ZCCHC17: variants seen among roughly 807,000 people sequenced by gnomAD.
ZCCHC17 encodes zinc finger CCHC-type containing 17.
Under a neutral mutation model 30.6 loss-of-function variants are expected in ZCCHC17, and 18 were observed. That is an observed-to-expected ratio of 0.59 (90% CI 0.41 to 0.87). The LOEUF (loss-of-function observed/expected upper bound fraction) is 0.87. Ranked by LOEUF, ZCCHC17 falls within the 40% of genes least tolerant of loss-of-function variation. The pLI is 0.00. For missense variants in ZCCHC17, 263 were observed against 284.2 expected, an observed-to-expected ratio of 0.93 and a Z score of 0.54; for synonymous variants, 88 against 92.4, an observed-to-expected ratio of 0.95 and a Z score of 0.27.
intron 3 of ZCCHC17, among the ~76,000 whole-genome samples, chr1:31,335,492 C>T (rs1279465601): frequency 5.9e-5 from 9 of 152,146 alleles, no homozygotes; most frequent in African/African-American, 2.2e-4. Flanking sequence ...CCTCCCACCT[C>T]AGCCTCCTGA....
At chr1:31,331,917 A>AT (rs938118520) in intron 3 of ZCCHC17, among the ~76,000 whole-genome samples, 6 of 152,052 alleles carry the variant, frequency 3.9e-5, no homozygotes, top group East Asian at 1.9e-4. Context: ...GCCGAGATGG[A>AT]TTTTTTTATG....
At chr1:31,306,952 C>T (rs1646475885) in intron 1 of ZCCHC17, among the ~76,000 whole-genome samples, 1 of 152,120 alleles carries the variant, frequency 6.6e-6, no homozygotes, top group African/African-American at 2.4e-5. Flanking sequence ...ATTCTCCTGC[C>T]TCAGCCTCCC....
chr1:31,326,628 T>A (rs1222994657), intron 3 of ZCCHC17, among the ~76,000 whole-genome samples: 3 of 152,182 alleles, frequency 2.0e-5, no homozygotes, highest in Non-Finnish European at 2.9e-5. Flanking sequence ...CCTGTGACCT[T>A]CCAGCAGTCA....
chr1:31,348,936 C>G lies in ZCCHC17; in HGVS notation c.526C>G (p.Pro176Ala). Residue 176 changes from proline to alanine, a missense_variant, in exon 7 of 8, where the codon CCT (proline) becomes GCT (alanine). Pro to Ala is a conservative substitution (Grantham distance 27). Coordinates refer to ENST00000344147, the MANE Select transcript of ZCCHC17 (RefSeq NM_016505.4). ...EEAKSAEFEKPDPTRNPSRKR... is the reference protein window; with the variant it reads ...EEAKSAEFEKADPTRNPSRKR... ...GGCAAAGTCAGCAGAGTTTGAGAAG[C>G]CTGACCCTACAAGGAATCCTTCTAG... The G allele has an allele frequency of 6.2e-7, 1 of 1,605,138 alleles. No individual in the cohort carries two copies. The highest frequency in any genetic ancestry group is 8.5e-7 in the Non-Finnish European group (1 of 1,177,442).
rs756845373 is a variant in ZCCHC17 at position 31,364,120 on chromosome 1, A to G, written c.653A>G (p.His218Arg). The G allele has an allele frequency of 1.2e-6, 2 of 1,613,962 alleles. No homozygotes were observed. Among genetic ancestry groups the G allele is most frequent in the East Asian group, 4.5e-5 (2 of 44,884 alleles). The change falls in exon 8 of 8, where the codon CAC (histidine) becomes CGC (arginine). Residue 218 changes from histidine to arginine, a missense_variant. His to Arg is a conservative substitution (Grantham distance 29). Transcript: ENST00000344147. ...AGTGATACAGGCAAGAGGGCAAGGC[A>G]CACATCAAAAGACAGCAAGGCAGCA... ...SESDTGKRARHTSKDSKAAKK... is the reference protein window; with the variant it reads ...SESDTGKRARRTSKDSKAAKK...
At chr1:31,299,863 A>T (rs1192807909) in intron 1 of ZCCHC17, among the ~76,000 whole-genome samples, 1 of 152,112 alleles carries the variant, frequency 6.6e-6, no homozygotes, top group African/African-American at 2.4e-5. Flanking sequence ...TATGGAATCT[A>T]AGCTGGATTG....
In ZCCHC17 at chr1:31,314,822, A is replaced by G. The variant is rs749574432; in HGVS notation, c.67-4287A>G. Reference sequence around the variant, plus strand: ...GCTGGGATTACAGGCGCATGCCACCACACCTGGCTAATTTTTGTATTTTTA... The same window carrying G: ...GCTGGGATTACAGGCGCATGCCACCGCACCTGGCTAATTTTTGTATTTTTA... On this transcript the variant is annotated intron_variant, in intron 2 of 7. Coordinates refer to ENST00000344147, the MANE Select transcript of ZCCHC17 (RefSeq NM_016505.4). Among the ~76,000 whole-genome samples, 5 of 152,178 alleles carry G rather than the reference A, an allele frequency of 3.3e-5. No homozygotes were observed. In the East Asian group the frequency reaches 7.7e-4, roughly 24 times the overall value.
chr1:31,305,785 C>A (rs1014598739), intron 1 of ZCCHC17, among the ~76,000 whole-genome samples: 1 of 152,084 alleles, frequency 6.6e-6, no homozygotes, highest in African/African-American at 2.4e-5. Context: ...AACTAAGGAG[C>A]CTCTGAGTAA....
rs148736986 is a variant in ZCCHC17 at position 31,348,874 on chromosome 1, ACT to A, written c.469_470del (p.Leu157AspfsTer3). The A allele has an allele frequency of 6.2e-7, 1 of 1,613,250 alleles. No individual in the cohort carries two copies. The highest frequency in any genetic ancestry group is 8.5e-7 in the Non-Finnish European group (1 of 1,180,008). ...TTCATGCAACCAGGTGGGACTAAAT[ACT>A]CTCTGATACCTGATGAGGAAGAGGA... On this transcript the variant is annotated frameshift_variant, in exon 7 of 8. Transcript: ENST00000344147. LOFTEE classifies it high-confidence loss of function.
chr1:31,363,054 C>A (rs35998242), intron 7 of ZCCHC17, among the ~76,000 whole-genome samples: 31,512 of 151,872 alleles, frequency 0.21, 3,599 homozygotes, highest in African/African-American at 0.29. Flanking sequence ...TATAAATACA[C>A]ATGTATATGT....
intron 2 of ZCCHC17, among the ~76,000 whole-genome samples, chr1:31,318,883 G>A (rs1216032876): frequency 6.6e-6 from 1 of 152,100 alleles, no homozygotes; most frequent in East Asian, 1.9e-4. Context: ...CACACCGTGT[G>A]ATAACACTCT....
intron 7 of ZCCHC17, among the ~76,000 whole-genome samples, chr1:31,355,715 G>A (rs765276907): frequency 3.9e-5 from 6 of 152,140 alleles, no homozygotes; most frequent in Non-Finnish European, 7.3e-5. Context: ...TGACATATCA[G>A]GACTCATCAA....
intron 3 of ZCCHC17, among the ~76,000 whole-genome samples, chr1:31,325,345 G>A (rs891633334): frequency 1.3e-5 from 2 of 152,224 alleles, no homozygotes; most frequent in Admixed American, 6.5e-5. Context: ...GTTGAATGGC[G>A]GGACTGAAAG....
chr1:31,323,960 A>G, intron 3 of ZCCHC17, among the ~76,000 whole-genome samples: 1 of 133,714 alleles, frequency 7.5e-6, no homozygotes, highest in South Asian at 2.3e-4. Flanking sequence ...TAGACTATGC[A>G]GATGATTGAA....
intron 7 of ZCCHC17, among the ~76,000 whole-genome samples, chr1:31,351,871 A>C (rs1639481945): frequency 6.6e-6 from 1 of 152,178 alleles, no homozygotes; most frequent in Non-Finnish European, 1.5e-5. Flanking sequence ...CTATGGTTTT[A>C]AATATCATCC....
chr1:31,323,150 T>A (rs560810070), intron 3 of ZCCHC17, among the ~76,000 whole-genome samples: 2 of 152,340 alleles, frequency 1.3e-5, no homozygotes, highest in Admixed American at 1.3e-4. Context: ...TCACTCAGAA[T>A]AGTCCAAGCG....
chr1:31,334,363 G>C (rs1487610273), intron 3 of ZCCHC17, among the ~76,000 whole-genome samples: 47 of 149,834 alleles, frequency 3.1e-4, no homozygotes, highest in Admixed American at 6.7e-4. Context: ...GTGTGTGTGT[G>C]TGTGTGTGTG....
chr1:31,332,640 A>T (rs1045948791), intron 3 of ZCCHC17, among the ~76,000 whole-genome samples: 4 of 151,896 alleles, frequency 2.6e-5, no homozygotes, highest in Non-Finnish European at 5.9e-5. Flanking sequence ...CACTGTTAAC[A>T]TTTTGGTGTA....
chr1:31,312,714 G>A (rs1472916613), intron 2 of ZCCHC17, among the ~76,000 whole-genome samples: 1 of 152,112 alleles, frequency 6.6e-6, no homozygotes, highest in Non-Finnish European at 1.5e-5. Context: ...TGAAGTGAAA[G>A]TAAAGCCAAA....
Sources: allele counts gnomAD v4.1 joint callset (sites outside exome capture counted in the v4.1 genomes callset), GRCh38; gene constraint gnomAD v4.1.1; transcripts MANE v1.5; gene names NCBI Gene and HGNC (gene_info 2026-07-23, HGNC 2026-07-21).